The following LYPLAL1 variants were observed in gnomAD, a reference collection of about 807,000 sequenced individuals.
LYPLAL1 encodes lysophospholipase like 1.
LYPLAL1 carries 23 observed loss-of-function variants against 19.7 expected under a neutral mutation model. The ratio of observed to expected loss-of-function variants is 1.17; its 90% CI spans 0.84 to 1.65. LYPLAL1 has a LOEUF of 1.65. LYPLAL1 is among the 40% of genes most tolerant of loss of function. LYPLAL1 has a pLI of 0.00. For missense variants in LYPLAL1, 355 were observed against 279.4 expected, an observed-to-expected ratio of 1.27 and a Z score of -1.93; for synonymous variants, 119 against 96.3, an observed-to-expected ratio of 1.24 and a Z score of -1.38.
the LYPLAL1 span, among the ~76,000 whole-genome samples, chr1:219,275,362 G>T: frequency 6.6e-6 from 1 of 152,144 alleles, no homozygotes; most frequent in African/African-American, 2.4e-5. Flanking sequence ...GGAGAGCAAT[G>T]TATACCTGTA....
chr1:219,311,988 G>A, the LYPLAL1 span, among the ~76,000 whole-genome samples: 21 of 152,246 alleles, frequency 1.4e-4, no homozygotes, highest in African/African-American at 4.3e-4. Context: ...GGTTACAGTG[G>A]AATCTTCTTA....
chr1:219,434,901 T>A, the LYPLAL1 span, among the ~76,000 whole-genome samples: 6 of 150,316 alleles, frequency 4.0e-5, no homozygotes, highest in African/African-American at 7.3e-5. Flanking sequence ...AAAAAAAAAA[T>A]AAAGCAGAGC....
At chr1:219,354,348 C>T in the LYPLAL1 span, among the ~76,000 whole-genome samples, 1 of 152,134 alleles carries the variant, frequency 6.6e-6, no homozygotes, top group African/African-American at 2.4e-5. Flanking sequence ...AGGCACTCGC[C>T]ACCAAGCTTG....
the LYPLAL1 span, among the ~76,000 whole-genome samples, chr1:219,442,911 G>A: frequency 1.3e-5 from 2 of 152,046 alleles, no homozygotes; most frequent in Admixed American, 1.3e-4. Context: ...GCAATCTATA[G>A]GTCAGATATC....
the LYPLAL1 span, among the ~76,000 whole-genome samples, chr1:219,419,250 T>C: frequency 1.2e-4 from 18 of 152,290 alleles, no homozygotes; most frequent in Admixed American, 1.2e-3. Context: ...ATCTTCCCAC[T>C]GTTTAGGGAT....
chr1:219,209,913 G>A (rs1261400056), intron 3 of LYPLAL1, among the ~76,000 whole-genome samples: 1 of 151,978 alleles, frequency 6.6e-6, no homozygotes, highest in African/African-American at 2.4e-5. Context: ...ATAACAGTTT[G>A]ACTAATTTTT....
At chr1:219,375,062 T>A in the LYPLAL1 span, among the ~76,000 whole-genome samples, 1 of 152,200 alleles carries the variant, frequency 6.6e-6, no homozygotes, top group African/African-American at 2.4e-5. Flanking sequence ...TACCATTACA[T>A]AGCTGTTCAA....
chr1:219,277,093 C>G, the LYPLAL1 span, among the ~76,000 whole-genome samples: 1 of 152,148 alleles, frequency 6.6e-6, no homozygotes. Context: ...AATCTAATAT[C>G]TAGAAGGGCG....
At chr1:219,439,326 T>A in the LYPLAL1 span, among the ~76,000 whole-genome samples, 1 of 152,118 alleles carries the variant, frequency 6.6e-6, no homozygotes, top group Non-Finnish European at 1.5e-5. Flanking sequence ...GATTACAAGT[T>A]TTTTGAGGAC....
chr1:219,260,051 G>T, the LYPLAL1 span, among the ~76,000 whole-genome samples: 1 of 151,752 alleles, frequency 6.6e-6, no homozygotes, highest in Non-Finnish European at 1.5e-5. Flanking sequence ...CAAGACAAGG[G>T]TAAATTAGTA....
chr1:219,219,231 G>T, the LYPLAL1 span, among the ~76,000 whole-genome samples: 1 of 152,134 alleles, frequency 6.6e-6, no homozygotes, highest in Non-Finnish European at 1.5e-5. Context: ...CCATTGTAGG[G>T]ATCATGGGCC....
chr1:219,221,086 T>C, the LYPLAL1 span, among the ~76,000 whole-genome samples: 2 of 152,172 alleles, frequency 1.3e-5, no homozygotes, highest in Non-Finnish European at 2.9e-5. Flanking sequence ...AATTCTAGCA[T>C]GCAGTTGTTG....
chr1:219,210,524 GT>G lies in LYPLAL1; in HGVS notation c.362-3del. 1 of 1,527,482 alleles carries G rather than the reference GT, an allele frequency of 6.5e-7. No homozygotes were observed. The highest frequency in any genetic ancestry group is 8.9e-7 in the Non-Finnish European group (1 of 1,118,030). The allele number at this position is 1,527,482 out of a possible 1,614,324, so 94.6% of individuals were successfully genotyped here. A position where few individuals can be genotyped will look rare whatever the true frequency, so the allele number is the denominator to read the frequency against. ...GTATTCTACTTTTAAGTATGTTTTT[GT>G]TTTTAGGAGGATTCTCTATGGGAGG... On this transcript the variant is annotated splice_region_variant and splice_polypyrimidine_tract_variant and intron_variant, in intron 3 of 4. Transcript: ENST00000366928.
the LYPLAL1 span, among the ~76,000 whole-genome samples, chr1:219,226,461 G>A: frequency 1.3e-5 from 2 of 152,014 alleles, no homozygotes; most frequent in South Asian, 2.1e-4. Flanking sequence ...ACTGATCATC[G>A]GTCAAAATAT....
the LYPLAL1 span, among the ~76,000 whole-genome samples, chr1:219,424,278 AT>A: frequency 6.6e-6 from 1 of 152,192 alleles, no homozygotes; most frequent in East Asian, 1.9e-4. Context: ...TCAGGACATC[AT>A]TCTAGGAGAA....
the LYPLAL1 span, among the ~76,000 whole-genome samples, chr1:219,281,400 T>C: frequency 6.6e-6 from 1 of 152,014 alleles, no homozygotes; most frequent in East Asian, 1.9e-4. Context: ...TAAATGAAAA[T>C]AGGTAAAAAT....
chr1:219,245,667 C>G, the LYPLAL1 span, among the ~76,000 whole-genome samples: 1 of 152,072 alleles, frequency 6.6e-6, no homozygotes, highest in African/African-American at 2.4e-5. Context: ...GTATTGTGTA[C>G]AACTGGAGAA....
chr1:219,185,378 A>G (rs1656643583), intron 2 of LYPLAL1, among the ~76,000 whole-genome samples: 1 of 150,852 alleles, frequency 6.6e-6, no homozygotes, highest in Non-Finnish European at 1.5e-5. Flanking sequence ...TTTGCTTTCT[A>G]TTTCATTTAT....
the LYPLAL1 span, among the ~76,000 whole-genome samples, chr1:219,291,885 CAAAA>C: frequency 1.7e-5 from 2 of 117,788 alleles, no homozygotes; most frequent in Non-Finnish European, 1.9e-5. Context: ...CGGAATAAAG[CAAAA>C]AAAAAAAAAG....
Sources: gnomAD v4.1 joint callset for allele counts (sites outside exome capture counted in the v4.1 genomes callset) on GRCh38, gnomAD v4.1.1 for gene constraint, MANE v1.5 for transcripts, NCBI Gene and HGNC (gene_info 2026-07-23, HGNC 2026-07-21) for gene names.